MYO16: variants seen among roughly 807,000 people sequenced by gnomAD.
MYO16 encodes myosin XVI.
In MYO16, 94 loss-of-function variants were observed where a neutral mutation model predicts 205.3. The ratio of observed to expected loss-of-function variants is 0.46; its 90% CI spans 0.39 to 0.54. MYO16 has a LOEUF of 0.54. MYO16 is among the 20% of genes least tolerant of loss of function. The probability of loss-of-function intolerance (pLI) is 0.00; values close to 1 mark genes in which losing one functional copy is unlikely to be tolerated. For synonymous variants in MYO16, 988 were observed against 954.0 expected (o/e 1.04, Z -0.66); for missense variants, 2,315 against 2,387.5 (o/e 0.97, Z 0.63).
At position 109,165,027 on chromosome 13, in the gene MYO16, T is replaced by C. The variant is rs781458935; in HGVS notation, c.5291T>C (p.Ile1764Thr). Residue 1764 changes from isoleucine (I) to threonine (T), a missense_variant, in exon 33 of 35, where the codon ATA (isoleucine) becomes ACA (threonine). Ile to Thr is a moderately conservative substitution (Grantham distance 89). This residue lies in a region of MYO16 where 1,097 missense variants were observed against 1,092.0 expected (regional missense o/e 1.00). Coordinates refer to ENST00000457511, the MANE Select transcript of MYO16 (RefSeq NM_001198950.3). The stretch of plus-strand genomic sequence containing the variant: ...TTATCTAATTCACTATCTAGTGCTA[T>C]AACTGCTGAAAATGGAAATTCCATC... The part of the protein sequence containing the change: ...IQLSNSLSSA[I>T]TAENGNSISN... The C allele has an allele frequency of 1.3e-6, 2 of 1,595,984 alleles. No individual in the cohort carries two copies. Among genetic ancestry groups the C allele is most frequent in the South Asian group, 2.3e-5 (2 of 86,876 alleles).
chr13:108,895,992 A>G (rs1489271036), intron 14 of MYO16, among the ~76,000 whole-genome samples: 1 of 152,210 alleles, frequency 6.6e-6, no homozygotes, highest in Non-Finnish European at 1.5e-5. Context: ...TGAGGAATTC[A>G]GAGGACCTCC....
chr13:108,822,194 A>G (rs751574958), intron 8 of MYO16, among the ~76,000 whole-genome samples: 2 of 152,194 alleles, frequency 1.3e-5, no homozygotes, highest in African/African-American at 2.4e-5. Flanking sequence ...AATCTGTGGG[A>G]AAAACAATTT....
intron 5 of MYO16, among the ~76,000 whole-genome samples, chr13:108,791,207 C>T (rs1164239710): frequency 1.3e-5 from 2 of 152,162 alleles, no homozygotes; most frequent in Non-Finnish European, 2.9e-5. Context: ...GATTCAGAAG[C>T]TGAGGAATGG....
At chr13:109,003,544 A>G (rs941417048) in intron 21 of MYO16, among the ~76,000 whole-genome samples, 7 of 152,152 alleles carry the variant, frequency 4.6e-5, no homozygotes, top group Non-Finnish European at 8.8e-5. Flanking sequence ...TCTGTTATCC[A>G]AAGTTTGGTA....
intron 1 of MYO16, among the ~76,000 whole-genome samples, chr13:108,662,993 G>T: frequency 6.6e-6 from 1 of 152,106 alleles, no homozygotes; most frequent in East Asian, 1.9e-4. Flanking sequence ...AGGTAAAGTT[G>T]GAAACTTCTC....
intron 4 of MYO16, among the ~76,000 whole-genome samples, chr13:108,740,127 C>T (rs1276225514): frequency 6.7e-6 from 1 of 149,160 alleles, no homozygotes; most frequent in Admixed American, 6.7e-5. Flanking sequence ...AAGCCCTCTT[C>T]TCTCAACTCG....
intron 16 of MYO16, among the ~76,000 whole-genome samples, chr13:108,945,332 C>T (rs1451286711): frequency 6.6e-6 from 1 of 152,068 alleles, no homozygotes; most frequent in Non-Finnish European, 1.5e-5. Context: ...GTGATTGTGA[C>T]CTGAAAGCAC....
chr13:108,598,957 A>G (rs1378185310), intron 1 of MYO16, among the ~76,000 whole-genome samples: 19 of 147,142 alleles, frequency 1.3e-4, no homozygotes, highest in African/African-American at 4.8e-4. Flanking sequence ...TTAACTCGTC[A>G]TTTAGCATTA....
At chr13:108,817,569 G>A (rs539617977) in intron 7 of MYO16, among the ~76,000 whole-genome samples, 2 of 152,232 alleles carry the variant, frequency 1.3e-5, no homozygotes, top group Admixed American at 6.5e-5. Flanking sequence ...TATCTTATTT[G>A]TGGTGCTGAT....
At chr13:108,656,339 C>G (rs1464618349) in intron 1 of MYO16, among the ~76,000 whole-genome samples, 1 of 152,142 alleles carries the variant, frequency 6.6e-6, no homozygotes, top group Non-Finnish European at 1.5e-5. Context: ...TTAAGAAGTG[C>G]CTTTTGCCTC....
the MYO16 span, among the ~76,000 whole-genome samples, chr13:108,560,454 T>C: frequency 1.3e-5 from 2 of 152,254 alleles, no homozygotes; most frequent in Non-Finnish European, 2.9e-5. Flanking sequence ...ACATTATAAA[T>C]ATGATATTAA....
chr13:108,563,804 G>C, the MYO16 span, among the ~76,000 whole-genome samples: 1 of 152,168 alleles, frequency 6.6e-6, no homozygotes, highest in Non-Finnish European at 1.5e-5. Context: ...AACAAACATG[G>C]GAGTGCAGAT....
chr13:108,812,742 G>T (rs1281660939), intron 7 of MYO16, among the ~76,000 whole-genome samples: 2 of 151,964 alleles, frequency 1.3e-5, no homozygotes, highest in African/African-American at 2.4e-5. Flanking sequence ...CCTAATGAGG[G>T]GTGTTTAGGT....
chr13:108,752,050 C>A (rs940125983), intron 4 of MYO16, among the ~76,000 whole-genome samples: 1 of 152,056 alleles, frequency 6.6e-6, no homozygotes, highest in African/African-American at 2.4e-5. Flanking sequence ...ATAGTTATAC[C>A]ATACTAATGT....
rs185555925 is a variant in MYO16, at chr13:109,142,966, A to G, written c.5164+1590A>G. Among the ~76,000 whole-genome samples, 305 of 152,194 alleles carry G rather than the reference A, an allele frequency of 2.0e-3. 3 individuals carry two copies. The highest frequency in any genetic ancestry group is 6.9e-3 in the African/African-American group (288 of 41,466). On this transcript the variant is annotated intron_variant, in intron 32 of 34. Transcript: ENST00000457511. ...TTTCCGATTCTTTGTTCAAAACGCCAAGAACCTGGACAACTTGTAGTCAAG... is the reference window on the plus strand; with the variant it reads ...TTTCCGATTCTTTGTTCAAAACGCCGAGAACCTGGACAACTTGTAGTCAAG...
intron 27 of MYO16, among the ~76,000 whole-genome samples, chr13:109,096,735 TC>T (rs1169946527): frequency 1.3e-4 from 1 of 7,660 alleles, no homozygotes; most frequent in African/African-American, 5.0e-4. Context: ...TACAAAGATG[TC>T]CCCTTACTCT....
chr13:108,701,499 T>C (rs1384620111), intron 2 of MYO16, among the ~76,000 whole-genome samples: 1 of 152,138 alleles, frequency 6.6e-6, no homozygotes, highest in Non-Finnish European at 1.5e-5. Context: ...AGCAAGAAAG[T>C]TCTCACAATA....
chr13:108,913,047 A>C (rs1881336228), intron 16 of MYO16, among the ~76,000 whole-genome samples: 1 of 152,178 alleles, frequency 6.6e-6, no homozygotes, highest in Non-Finnish European at 1.5e-5. Flanking sequence ...TTTGCAAAAA[A>C]GAGTTTGGAG....
intron 3 of MYO16, among the ~76,000 whole-genome samples, chr13:108,724,035 T>C (rs1425481094): frequency 6.6e-6 from 1 of 152,196 alleles, no homozygotes; most frequent in African/African-American, 2.4e-5. Flanking sequence ...GTCTTACTGA[T>C]ATTTTGTCAG....
Sources: gnomAD v4.1 joint callset for allele counts (sites outside exome capture counted in the v4.1 genomes callset) on GRCh38, gnomAD v4.1.1 for gene constraint, gnomAD v4.1.1 regional missense constraint, MANE v1.5 for transcripts, NCBI Gene and HGNC (gene_info 2026-07-23, HGNC 2026-07-21) for gene names.